CLYBL: variants seen among roughly 807,000 people sequenced by gnomAD.
CLYBL encodes citramalyl-CoA lyase, mitochondrial.
CLYBL carries 31 observed loss-of-function variants against 38.9 expected under a neutral mutation model. The observed-to-expected ratio is 0.80, with a 90% CI of 0.60 to 1.08. The LOEUF (loss-of-function observed/expected upper bound fraction) is 1.08, where lower values mean the gene tolerates loss of function less well. CLYBL is among the 50% of genes least tolerant of loss of function. The probability of loss-of-function intolerance (pLI) is 0.00; values close to 1 mark genes in which losing one functional copy is unlikely to be tolerated. For synonymous variants in CLYBL, 171 were observed against 158.6 expected (o/e 1.08, Z -0.59); for missense variants, 434 against 411.6 (o/e 1.05, Z -0.47).
At chr13:99,658,598 C>T (rs541063085) in intron 1 of CLYBL, among the ~76,000 whole-genome samples, 43 of 152,308 alleles carry the variant, frequency 2.8e-4, no homozygotes, top group African/African-American at 1.0e-3. Flanking sequence ...GGCGACAGGC[C>T]TCGGCCACAG....
chr13:99,681,656 G>A (rs1263260607), intron 1 of CLYBL, among the ~76,000 whole-genome samples: 3 of 151,080 alleles, frequency 2.0e-5, no homozygotes, highest in Non-Finnish European at 4.4e-5. Context: ...GCACGGTCTC[G>A]GCTCATTGCA....
At chr13:99,719,326 T>A (rs1470252185) in intron 1 of CLYBL, among the ~76,000 whole-genome samples, 1 of 151,354 alleles carries the variant, frequency 6.6e-6, no homozygotes, top group East Asian at 1.9e-4. Context: ...TTTATTTATT[T>A]ATTAATTATG....
In CLYBL at chr13:99,772,813, G is replaced by A; in HGVS notation, c.63-11G>A. 1.9e-6 allele frequency: 3 copies of A among 1,577,816 alleles called. No individual in the cohort carries two copies. The highest frequency in any genetic ancestry group is 2.6e-6 in the Non-Finnish European group (3 of 1,168,662). ...CTCATTCTGGACTAACCCCAATCAC[G>A]TGTCTTGCAGGAAAGCGTCTCTAGC... On this transcript the variant is annotated splice_polypyrimidine_tract_variant and intron_variant, in intron 1 of 8. Transcript: ENST00000339105.
At chr13:99,890,122 A>G (rs1351773466) in intron 7 of CLYBL, among the ~76,000 whole-genome samples, 2 of 152,244 alleles carry the variant, frequency 1.3e-5, no homozygotes, top group Admixed American at 6.5e-5. Context: ...CGTTTAATCT[A>G]TCTTTTGCTG....
intron 1 of CLYBL, among the ~76,000 whole-genome samples, chr13:99,612,492 GTCC>G (rs376154897): frequency 6.9e-5 from 10 of 144,494 alleles, no homozygotes; most frequent in African/African-American, 2.6e-4. Context: ...AGCTCAAACA[GTCC>G]TCCTGCCTCA....
intron 2 of CLYBL, among the ~76,000 whole-genome samples, chr13:99,807,368 G>A (rs576743977): frequency 6.6e-6 from 1 of 152,314 alleles, no homozygotes; most frequent in Admixed American, 6.5e-5. Context: ...TATCCATAAG[G>A]ATTGAGAGCC....
chr13:99,822,868 T>A (rs2050613831), intron 2 of CLYBL, among the ~76,000 whole-genome samples: 1 of 152,244 alleles, frequency 6.6e-6, no homozygotes, highest in Non-Finnish European at 1.5e-5. Context: ...AACTTCCATA[T>A]TTCTAGATAG....
intron 1 of CLYBL, among the ~76,000 whole-genome samples, chr13:99,761,531 T>TAC (rs199693033): frequency 0.011 from 1,629 of 152,312 alleles, 15 homozygotes; most frequent in East Asian, 0.078. Flanking sequence ...TGGCAAATTT[T>TAC]ACACACACAC....
rs4001024 is a variant in CLYBL at position 99,716,169 on chromosome 13, A to ATTTTTTTTTTTTTTTTTTTTTTTTTTTT, written c.63-56644_63-56617dup. On this transcript the variant is annotated intron_variant, in intron 1 of 8. Transcript: ENST00000339105. ...AAATTGTCCTTGCTTTATTGGTGTA[A>ATTTTTTTTTTTTTTTTTTTTTTTTTTTT]TTTTTTTTTTTTTTTTTTTTTTTTT... 1.5e-4 allele frequency among the ~76,000 whole-genome samples: 5 copies of ATTTTTTTTTTTTTTTTTTTTTTTTTTTT among 33,464 alleles called. 2 individuals carry two copies. The highest frequency in any genetic ancestry group is 2.4e-4 in the Non-Finnish European group (4 of 16,382). 22.0% of individuals were successfully genotyped at this position (33,464 alleles called of 152,430 possible).
At chr13:99,627,086 T>G (rs1447630809) in intron 1 of CLYBL, among the ~76,000 whole-genome samples, 1 of 151,906 alleles carries the variant, frequency 6.6e-6, no homozygotes. Context: ...TAGTAAATAT[T>G]GTGATCATTT....
chr13:99,788,107 G>C (rs9557306), intron 2 of CLYBL, among the ~76,000 whole-genome samples: 1 of 151,458 alleles, frequency 6.6e-6, no homozygotes, highest in Non-Finnish European at 1.5e-5. Flanking sequence ...GGGCTGAGAC[G>C]ATGGAGTTTT....
At chr13:99,767,811 A>G (rs552751485) in intron 1 of CLYBL, among the ~76,000 whole-genome samples, 13 of 152,206 alleles carry the variant, frequency 8.5e-5, no homozygotes, top group African/African-American at 2.6e-4. Flanking sequence ...TAAGTTTTCT[A>G]TCTCTTTACT....
At chr13:99,631,777 T>C (rs955596694) in intron 1 of CLYBL, among the ~76,000 whole-genome samples, 1 of 152,132 alleles carries the variant, frequency 6.6e-6, no homozygotes, top group Non-Finnish European at 1.5e-5. Context: ...TTTTGTATTT[T>C]TAGTAGAGAC....
intron 2 of CLYBL, among the ~76,000 whole-genome samples, chr13:99,806,412 T>C (rs955173145): frequency 1.3e-5 from 2 of 152,228 alleles, no homozygotes; most frequent in African/African-American, 4.8e-5. Flanking sequence ...GTAACTGTGT[T>C]TCATATGTAT....
intron 1 of CLYBL, among the ~76,000 whole-genome samples, chr13:99,624,635 G>A (rs947297103): frequency 2.0e-5 from 3 of 152,172 alleles, no homozygotes; most frequent in Admixed American, 2.0e-4. Context: ...GTTGTGGGCA[G>A]AGGGGAAACC....
intron 2 of CLYBL, among the ~76,000 whole-genome samples, chr13:99,788,107 G>T (rs9557306): frequency 0.39 from 58,739 of 151,472 alleles, 11,410 homozygotes; most frequent in Middle Eastern, 0.49. Context: ...GGGCTGAGAC[G>T]ATGGAGTTTT....
At chr13:99,884,947 C>A in intron 7 of CLYBL, 1 of 471,814 alleles carries the variant, frequency 2.1e-6, no homozygotes. Flanking sequence ...CCCAAATCAC[C>A]AACTACCGAA....
chr13:99,620,921 C>T (rs2046786192), intron 1 of CLYBL, among the ~76,000 whole-genome samples: 2 of 152,174 alleles, frequency 1.3e-5, no homozygotes, highest in South Asian at 4.1e-4. Flanking sequence ...AGAATTTCTC[C>T]TCTACCAGGA....
At chr13:99,737,012 G>C (rs927828139) in intron 1 of CLYBL, among the ~76,000 whole-genome samples, 1 of 152,022 alleles carries the variant, frequency 6.6e-6, no homozygotes, top group Non-Finnish European at 1.5e-5. Context: ...TTCTTTTTTA[G>C]ATATAGACAA....
Sources: gnomAD v4.1 joint callset for allele counts (sites outside exome capture counted in the v4.1 genomes callset) on GRCh38, gnomAD v4.1.1 for gene constraint, MANE v1.5 for transcripts, NCBI Gene and HGNC (gene_info 2026-07-23, HGNC 2026-07-21) for gene names.